Variants in DCC observed in about 807,000 individuals in gnomAD.
DCC encodes the protein DCC netrin 1 receptor.
In DCC, 58 loss-of-function variants were observed where a neutral mutation model predicts 172.5. The ratio of observed to expected loss-of-function variants is 0.34; its 90% CI spans 0.27 to 0.42. The LOEUF is 0.42. Ranked by LOEUF, DCC falls within the 10% of genes least tolerant of loss-of-function variation. The pLI is 1.00. For synonymous variants in DCC, 709 were observed against 644.5 expected (o/e 1.10, Z -1.52); for missense variants, 1,740 against 1,791.0 (o/e 0.97, Z 0.51).
chr18:52,383,114 A>T (rs1056157382), intron 1 of DCC, among the ~76,000 whole-genome samples: 1 of 152,070 alleles, frequency 6.6e-6, no homozygotes, highest in Non-Finnish European at 1.5e-5. Context: ...TCCTTCTTAC[A>T]CCTGATACAT....
chr18:53,392,598 G>C (rs1433206035), intron 17 of DCC, among the ~76,000 whole-genome samples: 1 of 152,070 alleles, frequency 6.6e-6, no homozygotes, highest in Non-Finnish European at 1.5e-5. Context: ...TATATACTAA[G>C]ATAATTTTGT....
rs137928735 is a variant in DCC, at chr18:52,439,829, G to A, written c.91+98951G>A. 3.4e-3 allele frequency among the ~76,000 whole-genome samples: 524 copies of A among 152,240 alleles called. 1 individual carries two copies. The highest frequency in any genetic ancestry group is 0.016 in the South Asian group (76 of 4,824). On this transcript the variant is annotated intron_variant, in intron 1 of 28. Coordinates refer to ENST00000442544, the MANE Select transcript of DCC (RefSeq NM_005215.4). The stretch of plus-strand genomic sequence containing the variant: ...CCATTTACCATAATGCGAGTATTAC[G>A]CATTGCATGCCTGTATCAAAGTATC...
intron 5 of DCC, among the ~76,000 whole-genome samples, chr18:52,937,039 G>T (rs1444630049): frequency 1.3e-5 from 2 of 152,078 alleles, no homozygotes; most frequent in Non-Finnish European, 2.9e-5. Context: ...AATCACCAAA[G>T]GAGTAGAATT....
chr18:52,924,245 C>G (rs1426497375), intron 4 of DCC, among the ~76,000 whole-genome samples: 14 of 152,078 alleles, frequency 9.2e-5, no homozygotes, highest in Admixed American at 9.2e-4. Context: ...ATATGATCAT[C>G]AGTTCAACTG....
chr18:52,634,169 G>T (rs140817918), intron 1 of DCC, among the ~76,000 whole-genome samples: 1 of 152,232 alleles, frequency 6.6e-6, no homozygotes, highest in African/African-American at 2.4e-5. Context: ...GTGAACTGAT[G>T]TGTCTGCCAA....
chr18:52,646,752 C>T lies in DCC; in HGVS notation c.92-105302C>T, dbSNP rs534555755. On this transcript the variant is annotated intron_variant, in intron 1 of 28. Coordinates refer to ENST00000442544, the MANE Select transcript of DCC (RefSeq NM_005215.4). The stretch of plus-strand genomic sequence containing the variant: ...CTTCTGTTTCTGTGGAGAAGGGGTG[C>T]ACCAGCCTCCAGTACATGGAGACAT... Among the ~76,000 whole-genome samples, 5 of 152,318 alleles carry T rather than the reference C, an allele frequency of 3.3e-5. No individual in the cohort carries two copies. In the South Asian group the frequency reaches 8.3e-4, roughly 25 times the overall value.
At chr18:52,748,794 G>A (rs2036949117) in intron 1 of DCC, among the ~76,000 whole-genome samples, 1 of 152,344 alleles carries the variant, frequency 6.6e-6, no homozygotes, top group African/African-American at 2.4e-5. Flanking sequence ...GAGGCGATCT[G>A]CAGTGGGTAG....
intron 8 of DCC, among the ~76,000 whole-genome samples, chr18:53,178,370 GACAA>G (rs1235748728): frequency 1.3e-5 from 2 of 152,208 alleles, no homozygotes; most frequent in Non-Finnish European, 2.9e-5. Context: ...TGAAGAGCAA[GACAA>G]ACAGGCATAT....
chr18:53,184,290 A>G (rs1490069688), intron 9 of DCC, among the ~76,000 whole-genome samples: 1 of 152,144 alleles, frequency 6.6e-6, no homozygotes, highest in Non-Finnish European at 1.5e-5. Context: ...AAAGTGCTAC[A>G]TTATCCCGTA....
intron 5 of DCC, among the ~76,000 whole-genome samples, chr18:52,983,298 T>C (rs535794643): frequency 6.6e-6 from 1 of 152,224 alleles, no homozygotes; most frequent in South Asian, 2.1e-4. Context: ...ATTGGATGCT[T>C]TGCAGGGTGA....
intron 2 of DCC, among the ~76,000 whole-genome samples, chr18:52,857,271 T>A (rs890486417): frequency 6.6e-6 from 1 of 152,234 alleles, no homozygotes; most frequent in Admixed American, 6.5e-5. Flanking sequence ...AACATTTTGC[T>A]ATCCTTGCTC....
intron 21 of DCC, among the ~76,000 whole-genome samples, chr18:53,426,334 G>A (rs1381383980): frequency 7.2e-6 from 1 of 139,858 alleles, no homozygotes; most frequent in African/African-American, 2.6e-5. Flanking sequence ...TAAATTTTAT[G>A]ATATATATTT....
intron 2 of DCC, among the ~76,000 whole-genome samples, chr18:52,902,487 T>C (rs2039824132): frequency 6.6e-6 from 1 of 152,196 alleles, no homozygotes; most frequent in African/African-American, 2.4e-5. Flanking sequence ...TTCACAAGGA[T>C]CTAGTGAAAA....
intron 7 of DCC, among the ~76,000 whole-genome samples, chr18:53,093,576 A>T (rs1467342627): frequency 2.6e-5 from 4 of 152,194 alleles, no homozygotes; most frequent in Admixed American, 1.3e-4. Context: ...AATCCCATCT[A>T]TCTGACCTTA....
At chr18:53,248,917 A>G (rs1002182722) in intron 12 of DCC, among the ~76,000 whole-genome samples, 1 of 152,032 alleles carries the variant, frequency 6.6e-6, no homozygotes, top group Admixed American at 6.6e-5. Flanking sequence ...TTTAGGGGGA[A>G]TTTTTGTTTG....
intron 1 of DCC, among the ~76,000 whole-genome samples, chr18:52,729,836 AC>A (rs79791638): frequency 0.2 from 30,662 of 152,068 alleles, 3,603 homozygotes; most frequent in Admixed American, 0.3. Flanking sequence ...AGAACACTAG[AC>A]CTGGAAGGAT....
intron 1 of DCC, among the ~76,000 whole-genome samples, chr18:52,642,061 T>TA (rs1328771949): frequency 2.0e-4 from 1 of 4,952 alleles, no homozygotes; most frequent in African/African-American, 3.7e-4. Context: ...GGTGTGTGTG[T>TA]GTATATATAT....
At chr18:52,640,835 C>G (rs896177224) in intron 1 of DCC, among the ~76,000 whole-genome samples, 6 of 151,972 alleles carry the variant, frequency 3.9e-5, no homozygotes, top group African/African-American at 1.5e-4. Context: ...AAAATACCAC[C>G]ATCATTCTTC....
intron 1 of DCC, among the ~76,000 whole-genome samples, chr18:52,634,845 C>T (rs1438214961): frequency 6.6e-6 from 1 of 152,070 alleles, no homozygotes; most frequent in African/African-American, 2.4e-5. Flanking sequence ...TTGTATAACT[C>T]TTTCTTCTTA....
Sources: gnomAD v4.1 joint callset for allele counts (sites outside exome capture counted in the v4.1 genomes callset) on GRCh38, gnomAD v4.1.1 for gene constraint, MANE v1.5 for transcripts, NCBI Gene and HGNC (gene_info 2026-07-23, HGNC 2026-07-21) for gene names.